The following ZNF98 variants were observed in gnomAD, a reference collection of about 807,000 sequenced individuals.
ZNF98 encodes the protein zinc finger protein 739.
A neutral mutation model predicts 12.8 loss-of-function variants in ZNF98; 8 were observed. That is an observed-to-expected ratio of 0.63 (90% CI 0.37 to 1.13). ZNF98 has a LOEUF of 1.13. Among genes scored for constraint, ZNF98 ranks in the 50% most tolerant of loss-of-function variants. The pLI is 0.01. For missense variants in ZNF98, 379 were observed against 666.1 expected (o/e 0.57, Z 4.74); for synonymous variants, 112 against 223.5 (o/e 0.50, Z 4.45).
At chr19:22,416,522 TCCCAGCACTTTGGGAGGCTG>T (rs1402693321) in intron 1 of ZNF98, among the ~76,000 whole-genome samples, 1 of 149,700 alleles carries the variant, frequency 6.7e-6, no homozygotes, top group African/African-American at 2.5e-5. Flanking sequence ...ACGCCTGTAA[TCCCAGCACTTTGGGAGGCTG>T]AGGCGGGTGG....
At chr19:22,417,357 T>C (rs751487826) in intron 1 of ZNF98, among the ~76,000 whole-genome samples, 15 of 151,628 alleles carry the variant, frequency 9.9e-5, no homozygotes, top group Non-Finnish European at 1.5e-4. Context: ...TCAGAAAAAG[T>C]ACCTGCTTGG....
rs202119761 is a variant in ZNF98 at position 22,392,977 on chromosome 19, T to C, written c.258A>G (p.Val86=). 9.3e-6 allele frequency: 14 copies of C among 1,506,186 alleles called. No individual in the cohort carries two copies. The highest frequency in any genetic ancestry group is 1.1e-5 in the Non-Finnish European group (13 of 1,132,402). 93.3% of individuals were successfully genotyped at this position (1,506,186 alleles called of 1,614,324 possible). ...RHEMVTEPPV[V]YSYFAQDLWP... ...AAAGGTCTTGGGCAAAATAAGAATA[T>C]ACAACTGAAAGAAATAAAAATAATA... is the stretch of plus-strand genomic sequence containing the variant. The change falls in exon 4 of 4, where the codon GTA becomes GTG. Residue 86 remains valine, a synonymous_variant. Transcript: ENST00000357774.
chr19:22,394,345 C>T (rs960893952), intron 3 of ZNF98, among the ~76,000 whole-genome samples: 3 of 151,520 alleles, frequency 2.0e-5, no homozygotes, highest in Non-Finnish European at 4.4e-5. Flanking sequence ...GGTATATACC[C>T]AAAGGATTAT....
intron 1 of ZNF98, among the ~76,000 whole-genome samples, chr19:22,404,435 A>T (rs1343658249): frequency 6.6e-6 from 1 of 152,260 alleles, no homozygotes; most frequent in Non-Finnish European, 1.5e-5. Flanking sequence ...AAAACCTAAG[A>T]AAGGTCAGCT....
Position 22,422,303 on chromosome 19 carries a change from C to T in ZNF98, c.-79G>A. On this transcript the variant is annotated 5_prime_UTR_variant, in exon 1 of 4. Transcript: ENST00000357774. Reference sequence around the variant, plus strand: ...TCTACGAGCAGAGGACACAGAAGGGCGAAGACGAGACCAGGAACTCCGGCT... The same window carrying T: ...TCTACGAGCAGAGGACACAGAAGGGTGAAGACGAGACCAGGAACTCCGGCT... 1 of 1,559,122 alleles carries T rather than the reference C, an allele frequency of 6.4e-7. No individual in the cohort carries two copies. Among genetic ancestry groups the T allele is most frequent in the Non-Finnish European group, 8.8e-7 (1 of 1,133,988 alleles).
intron 1 of ZNF98, 63 bp downstream of exon 1, chr19:22,422,132 T>G (rs1344348409): frequency 5.0e-6 from 8 of 1,605,214 alleles, no homozygotes; most frequent in African/African-American, 1.3e-5. Flanking sequence ...CGCCACAGCC[T>G]CTTCCCACCG....
intron 3 of ZNF98, among the ~76,000 whole-genome samples, chr19:22,399,134 AT>A (rs1969430123): frequency 6.6e-6 from 1 of 152,232 alleles, no homozygotes; most frequent in Non-Finnish European, 1.5e-5. Flanking sequence ...AAACTAAAAA[AT>A]AATAATAAAT....
chr19:22,404,096 T>C (rs1381026650), intron 1 of ZNF98, among the ~76,000 whole-genome samples: 2 of 152,184 alleles, frequency 1.3e-5, no homozygotes, highest in African/African-American at 4.8e-5. Flanking sequence ...GGCGAGAGCC[T>C]GTAGTCCCAG....
intron 1 of ZNF98, among the ~76,000 whole-genome samples, chr19:22,418,490 A>C (rs1969669289): frequency 6.6e-6 from 1 of 152,236 alleles, no homozygotes; most frequent in Non-Finnish European, 1.5e-5. Context: ...ATGGAAAGAA[A>C]CATGCTTTCC....
chr19:22,421,760 G>A (rs1969706549), intron 1 of ZNF98, among the ~76,000 whole-genome samples: 1 of 152,134 alleles, frequency 6.6e-6, no homozygotes, highest in Non-Finnish European at 1.5e-5. Context: ...AAATTCTTAA[G>A]TACTGTCGCG....
chr19:22,397,046 G>A (rs1969401517), intron 3 of ZNF98, among the ~76,000 whole-genome samples: 1 of 150,728 alleles, frequency 6.6e-6, no homozygotes, highest in South Asian at 2.1e-4. Flanking sequence ...TTGAACCTAG[G>A]AGGCAGAGGT....
chr19:22,394,501 T>C (rs1044016382), intron 3 of ZNF98, among the ~76,000 whole-genome samples: 5 of 152,112 alleles, frequency 3.3e-5, no homozygotes, highest in African/African-American at 9.7e-5. Flanking sequence ...GAATACTATG[T>C]ATTCATGAAA....
intron 3 of ZNF98, among the ~76,000 whole-genome samples, chr19:22,401,765 G>A (rs1377940226): frequency 6.6e-6 from 1 of 151,602 alleles, no homozygotes; most frequent in African/African-American, 2.4e-5. Context: ...GATTACAGGC[G>A]TGAGCCACCA....
chr19:22,415,072 T>C (rs552697244), intron 1 of ZNF98, among the ~76,000 whole-genome samples: 67 of 151,974 alleles, frequency 4.4e-4, no homozygotes, highest in African/African-American at 1.6e-3. Context: ...ACAAAAAACA[T>C]GAAAAAGATT....
intron 1 of ZNF98, among the ~76,000 whole-genome samples, chr19:22,415,169 TAATGA>T (rs1969626370): frequency 6.7e-6 from 1 of 149,030 alleles, no homozygotes. Flanking sequence ...AGAAAAACCA[TAATGA>T]AATATCATCT....
intron 3 of ZNF98, among the ~76,000 whole-genome samples, chr19:22,397,190 C>CTG (rs145928271): frequency 0.019 from 2,738 of 140,900 alleles, 85 homozygotes; most frequent in African/African-American, 0.066. Context: ...GTATGTACAT[C>CTG]TGTGTGTGTG....
intron 1 of ZNF98, among the ~76,000 whole-genome samples, chr19:22,411,059 T>C (rs951070294): frequency 1.3e-5 from 2 of 152,224 alleles, no homozygotes; most frequent in African/African-American, 4.8e-5. Context: ...TTTATTTATT[T>C]ACTTATTGAG....
At chr19:22,410,647 C>G (rs1969571362) in intron 1 of ZNF98, among the ~76,000 whole-genome samples, 1 of 152,180 alleles carries the variant, frequency 6.6e-6, no homozygotes, top group African/African-American at 2.4e-5. Context: ...GTACATGCAG[C>G]AAACCACCAT....
chr19:22,406,101 C>A lies in ZNF98; in HGVS notation c.31-2589G>T, dbSNP rs1365585849. Among the ~76,000 whole-genome samples the A allele has an allele frequency of 3.3e-5, 5 of 152,080 alleles. No individual in the cohort carries two copies. In the South Asian group the frequency reaches 1.0e-3, roughly 32 times the overall value. ...GTGGTTTTAACTTCAGTGAAGCATA[C>A]CCCCTCCACCAAGGGACAATAAAAG... On this transcript the variant is annotated intron_variant, in intron 1 of 3. Coordinates refer to ENST00000357774, the MANE Select transcript of ZNF98 (RefSeq NM_001098626.2).
Sources: allele counts gnomAD v4.1 joint callset (sites outside exome capture counted in the v4.1 genomes callset), GRCh38; gene constraint gnomAD v4.1.1; transcripts MANE v1.5; gene names NCBI Gene and HGNC (gene_info 2026-07-23, HGNC 2026-07-21).